ABCA10: variants seen among roughly 807,000 people sequenced by gnomAD.
The protein encoded by ABCA10 is ATP binding cassette subfamily A member 10, also known as ATP-binding cassette sub-family A member 10.
A neutral mutation model predicts 187.5 loss-of-function variants in ABCA10; 169 were observed. That is an observed-to-expected ratio of 0.90 (90% confidence interval 0.80 to 1.02). The LOEUF is 1.02. ABCA10 is among the 50% of genes least tolerant of loss of function. The probability of loss-of-function intolerance (pLI) is 0.00; values close to 1 mark genes in which losing one functional copy is unlikely to be tolerated. For missense variants in ABCA10, 1,727 were observed against 1,812.4 expected (o/e 0.95, Z 0.86); for synonymous variants, 574 against 601.8 (o/e 0.95, Z 0.68).
intron 30 of ABCA10, 62 bp from the exon 31 acceptor site, chr17:69,154,388 G>T: frequency 3.4e-6 from 4 of 1,193,716 alleles, no homozygotes; most frequent in South Asian, 2.9e-5. Context: ...AAAATTGCTT[G>T]GTTGGTTGCA....
chr17:69,189,374 T>C (rs964287633), intron 18 of ABCA10, among the ~76,000 whole-genome samples: 4 of 152,122 alleles, frequency 2.6e-5, no homozygotes, highest in Admixed American at 1.3e-4. Context: ...TTTAATGGGG[T>C]TGTTTTTGGC....
At chr17:69,174,889 G>A in intron 23 of ABCA10, 112 bp from the exon 24 acceptor site, 1 of 893,198 alleles carries the variant, frequency 1.1e-6, no homozygotes, top group Non-Finnish European at 1.6e-6. Context: ...TAGTGTCTGT[G>A]TGACAAAAAG....
chr17:69,175,799 A>C (rs772076115), intron 22 of ABCA10: 2 of 239,866 alleles, frequency 8.3e-6, no homozygotes, highest in Admixed American at 5.5e-5. Context: ...TGAAACCTGG[A>C]TAGTACCAAA....
At chr17:69,169,840 A>T (rs2074283447) in intron 25 of ABCA10, among the ~76,000 whole-genome samples, 1 of 152,224 alleles carries the variant, frequency 6.6e-6, no homozygotes, top group South Asian at 2.1e-4. Flanking sequence ...ATATAAACTG[A>T]AATAAGCTCA....
Position 69,225,447 on chromosome 17 carries a change from G to A in ABCA10, c.-89C>T. Reference sequence around the variant, plus strand: ...ATCCACGCTTCCCAGGACTTTAGGAGGTTGTTCAGGAAAACGGGTAGCTCT... The same window carrying A: ...ATCCACGCTTCCCAGGACTTTAGGAAGTTGTTCAGGAAAACGGGTAGCTCT... On this transcript the variant is annotated 5_prime_UTR_variant, in exon 3 of 39. Transcript: ENST00000690296. The A allele has an allele frequency of 7.1e-7, 1 of 1,410,596 alleles. No individual in the cohort carries two copies. Among genetic ancestry groups the A allele is most frequent in the Admixed American group, 1.8e-5 (1 of 54,778 alleles). 87.4% of individuals were successfully genotyped at this position (1,410,596 alleles called of 1,614,324 possible).
intron 25 of ABCA10, among the ~76,000 whole-genome samples, chr17:69,171,057 CT>C (rs2074294292): frequency 6.6e-6 from 1 of 152,142 alleles, no homozygotes; most frequent in Non-Finnish European, 1.5e-5. Context: ...AAGTGAAAAT[CT>C]TTTGGGGATG....
chr17:69,158,349 T>C (rs942106908), intron 27 of ABCA10, among the ~76,000 whole-genome samples: 2 of 151,388 alleles, frequency 1.3e-5, no homozygotes, highest in Non-Finnish European at 3.0e-5. Context: ...AAGATAAGAA[T>C]CTGAAAAAAA....
At chr17:69,177,833 G>A (rs1352816668) in intron 22 of ABCA10, among the ~76,000 whole-genome samples, 3 of 150,372 alleles carry the variant, frequency 2.0e-5, no homozygotes, top group Non-Finnish European at 4.4e-5. Flanking sequence ...GTGCATGCCT[G>A]TAATTCCAGC....
In ABCA10 at chr17:69,155,801, T is replaced by C; in HGVS notation, c.3576+4A>G. 6.2e-7 allele frequency: 1 copy of C among 1,613,510 alleles called. No individual in the cohort carries two copies. Among genetic ancestry groups the C allele is most frequent in the Non-Finnish European group, 8.5e-7 (1 of 1,179,572 alleles). On this transcript the variant is annotated splice_donor_region_variant and intron_variant, in intron 29 of 38. Coordinates refer to ENST00000690296, the MANE Select transcript of ABCA10 (RefSeq NM_001377321.1). ...TTATTAAGGGTCTAATCCCTGCTGT[T>C]CACCTCCTCCAAGTTTGGAGCAGTG...
chr17:69,210,901 C>T (rs1476254523), intron 9 of ABCA10, among the ~76,000 whole-genome samples: 3 of 144,438 alleles, frequency 2.1e-5, no homozygotes, highest in Non-Finnish European at 4.5e-5. Flanking sequence ...GATTGATGGG[C>T]ATTTGGGCTG....
chr17:69,215,150 C>G (rs1449647057), intron 8 of ABCA10, among the ~76,000 whole-genome samples: 1 of 152,148 alleles, frequency 6.6e-6, no homozygotes, highest in East Asian at 1.9e-4. Flanking sequence ...ATATAACATA[C>G]TTTGGGAAGG....
At chr17:69,185,668 G>T (rs1331587508) in intron 19 of ABCA10, 25 bp from the exon 20 acceptor site, 1 of 1,543,160 alleles carries the variant, frequency 6.5e-7, no homozygotes, top group South Asian at 1.2e-5. Context: ...ATTATAACAT[G>T]AGTCTGAAGC....
At chr17:69,197,183 A>G in intron 10 of ABCA10, 61 bp from the exon 11 acceptor site, 3 of 1,282,192 alleles carry the variant, frequency 2.3e-6, no homozygotes, top group South Asian at 2.5e-5. Flanking sequence ...AACACAGATT[A>G]CAGTTCATAA....
chr17:69,199,640 A>T (rs538597355), intron 10 of ABCA10, among the ~76,000 whole-genome samples: 1 of 152,218 alleles, frequency 6.6e-6, no homozygotes, highest in Non-Finnish European at 1.5e-5. Flanking sequence ...TAGGATGACT[A>T]GCATCAACCA....
rs573384455 is a variant in ABCA10, at chr17:69,174,394, C to A, written c.3049G>T (p.Val1017Leu). 5.7e-6 allele frequency: 9 copies of A among 1,579,254 alleles called. No individual in the cohort carries two copies. In the South Asian group the frequency reaches 9.3e-5, roughly 16 times the overall value. Reference protein sequence around the residue: ...QLSWELMFVLVVCIIGCAVSL... With the variant: ...QLSWELMFVLLVCIIGCAVSL... ...ACTGCACAACCAATTATGCATACCACCTGCAAATAATGAGGATCAATGGCA... is the reference window on the plus strand; with the variant it reads ...ACTGCACAACCAATTATGCATACCAACTGCAAATAATGAGGATCAATGGCA... Residue 1017 changes from valine to leucine, a missense_variant and splice_region_variant, in exon 25 of 39, where the codon GTG becomes TTG. Physicochemically the swap from Val to Leu is conservative, Grantham distance 32 (BLOSUM62 1). Transcript: ENST00000690296.
At position 69,154,258 on chromosome 17, in the gene ABCA10, A is replaced by C. The variant is rs762268158; in HGVS notation, c.3763T>G (p.Cys1255Gly). Reference sequence around the variant, plus strand: ...ACCACTCCTGCAGTTGGCTTTGTGCACCCAGTTATCATTTTAATGGAAGTA... The same window carrying C: ...ACCACTCCTGCAGTTGGCTTTGTGCCCCCAGTTATCATTTTAATGGAAGTA... ...KSTSIKMITGCTKPTAGVVVL... is the reference protein window; with the variant it reads ...KSTSIKMITGGTKPTAGVVVL... The change falls in exon 31 of 39, where the codon TGC becomes GGC. Residue 1255 changes from cysteine (C) to glycine (G), a missense_variant. Transcript: ENST00000690296. The C allele has an allele frequency of 6.2e-7, 1 of 1,612,094 alleles. No individual in the cohort carries two copies. The highest frequency in any genetic ancestry group is 8.5e-7 in the Non-Finnish European group (1 of 1,179,370).
intron 10 of ABCA10, among the ~76,000 whole-genome samples, chr17:69,201,257 A>C (rs774685962): frequency 6.6e-6 from 1 of 152,202 alleles, no homozygotes; most frequent in Non-Finnish European, 1.5e-5. Flanking sequence ...GAGTATAAGT[A>C]GTGGGAGATG....
At chr17:69,229,330 G>C (rs2074815823), upstream of ABCA10, among the ~76,000 whole-genome samples, 1 of 151,922 alleles carries the variant, frequency 6.6e-6, no homozygotes, top group Admixed American at 6.6e-5. Context: ...TGGACTCCAA[G>C]ATCCCTCACT....
At chr17:69,196,020 C>A (rs368906559) in intron 11 of ABCA10, among the ~76,000 whole-genome samples, 37 of 152,360 alleles carry the variant, frequency 2.4e-4, no homozygotes, top group African/African-American at 8.7e-4. Flanking sequence ...TCCCCCTCTT[C>A]CACTGGACAA....
Sources: gnomAD v4.1 joint callset for allele counts (sites outside exome capture counted in the v4.1 genomes callset) on GRCh38, gnomAD v4.1.1 for gene constraint, MANE v1.5 for transcripts, NCBI Gene and HGNC (gene_info 2026-07-23, HGNC 2026-07-21) for gene names.